PIK3C2A: variants seen among roughly 807,000 people sequenced by gnomAD.
PIK3C2A encodes the protein phosphatidylinositol 4-phosphate 3-kinase C2 domain-containing subunit alpha.
Under a neutral mutation model 204.5 loss-of-function variants are expected in PIK3C2A, and 97 were observed. That is an observed-to-expected ratio of 0.47 (90% CI 0.40 to 0.56). PIK3C2A has a LOEUF of 0.56. PIK3C2A is among the 20% of genes least tolerant of loss of function. The pLI, the probability that PIK3C2A is intolerant of heterozygous loss-of-function variation, is 0.00. For synonymous variants in PIK3C2A, 653 were observed against 664.4 expected (o/e 0.98, Z 0.26); for missense variants, 1,735 against 1,969.2 (o/e 0.88, Z 2.25).
At chr11:17,147,233 C>G (rs2137427033) in intron 6 of PIK3C2A, among the ~76,000 whole-genome samples, 1 of 152,228 alleles carries the variant, frequency 6.6e-6, no homozygotes, top group South Asian at 2.1e-4. Context: ...CCATTTTTCC[C>G]TGACTCACCC....
intron 12 of PIK3C2A, among the ~76,000 whole-genome samples, chr11:17,130,900 T>C (rs569113265): frequency 1.3e-5 from 2 of 151,804 alleles, no homozygotes; most frequent in Non-Finnish European, 2.9e-5. Context: ...GATAATGTTT[T>C]TTTCGGCTAG....
rs749292026 is a variant in PIK3C2A, at chr11:17,110,468, C to T, written c.3508G>A (p.Val1170Ile). 1.9e-6 allele frequency: 3 copies of T among 1,611,186 alleles called. No homozygotes were observed. ...CCAGTTGAGAGACATTTGAAAATTA[C>T]CATCCTCAGATCTAGTCCTTCTTTA... ...WLKEGLDLRMVIFKCLSTGRD... is the reference protein window; with the variant it reads ...WLKEGLDLRMIIFKCLSTGRD... The change falls in exon 22 of 33, where the codon GTA becomes ATA. Residue 1170 changes from valine to isoleucine, a missense_variant. By Grantham distance (29) the Val-to-Ile change is conservative. Around this residue, in one of 6 missense-constraint regions of PIK3C2A, gnomAD observed 503 missense variants for 669.0 expected, o/e 0.75. Coordinates refer to ENST00000691414, the MANE Select transcript of PIK3C2A (RefSeq NM_002645.4).
chr11:17,140,124 C>T (rs1015134034), intron 8 of PIK3C2A, among the ~76,000 whole-genome samples: 1 of 152,168 alleles, frequency 6.6e-6, no homozygotes, highest in Non-Finnish European at 1.5e-5. Context: ...AAAACCTCTG[C>T]AACTTCCTAG....
At chr11:17,128,279 T>C (rs1347784398) in intron 13 of PIK3C2A, among the ~76,000 whole-genome samples, 1 of 151,644 alleles carries the variant, frequency 6.6e-6, no homozygotes, top group South Asian at 2.1e-4. Context: ...GATGCTTTTT[T>C]TTTTTTTTGG....
chr11:17,194,407 A>G, intron 1 of PIK3C2A: 1 of 196,004 alleles, frequency 5.1e-6, no homozygotes, highest in Non-Finnish European at 1.0e-5. Context: ...CTATTTGTAC[A>G]AATAAACCTG....
chr11:17,157,200 A>G (rs904774412), intron 2 of PIK3C2A, among the ~76,000 whole-genome samples: 4 of 152,102 alleles, frequency 2.6e-5, no homozygotes, highest in Admixed American at 2.0e-4. Context: ...AATGAAGTTA[A>G]AAGTACAGTA....
At chr11:17,090,869 A>T (rs1451057338) in intron 32 of PIK3C2A, among the ~76,000 whole-genome samples, 1 of 151,014 alleles carries the variant, frequency 6.6e-6, no homozygotes, top group Non-Finnish European at 1.5e-5. Context: ...CCTCCCGAGG[A>T]GCTGGGATTA....
chr11:17,204,161 G>A (rs1852482935), intron 1 of PIK3C2A: 1 of 152,080 alleles, frequency 6.6e-6, no homozygotes, highest in Non-Finnish European at 1.5e-5. Context: ...CCAGCCTCTA[G>A]ATCTATACTG....
At chr11:17,153,498 A>G (rs889970611) in intron 3 of PIK3C2A, among the ~76,000 whole-genome samples, 1 of 152,146 alleles carries the variant, frequency 6.6e-6, no homozygotes. Context: ...AGCTTTGTCA[A>G]TTATGATAGG....
At chr11:17,153,518 A>C (rs1850486131) in intron 3 of PIK3C2A, among the ~76,000 whole-genome samples, 1 of 152,314 alleles carries the variant, frequency 6.6e-6, no homozygotes, top group African/African-American at 2.4e-5. Context: ...GTGTAAAAGG[A>C]AAGAAATAGG....
At chr11:17,165,653 T>C (rs754966792) in intron 2 of PIK3C2A, among the ~76,000 whole-genome samples, 1 of 151,856 alleles carries the variant, frequency 6.6e-6, no homozygotes, top group Non-Finnish European at 1.5e-5. Flanking sequence ...TGCATGACTG[T>C]AATCCCAGCT....
chr11:17,160,273 G>A (rs1296145722), intron 2 of PIK3C2A, among the ~76,000 whole-genome samples: 1 of 151,974 alleles, frequency 6.6e-6, no homozygotes, highest in Non-Finnish European at 1.5e-5. Flanking sequence ...AAACAACCAA[G>A]AACAAAACCT....
At chr11:17,139,080 G>C (rs963524795) in intron 8 of PIK3C2A, among the ~76,000 whole-genome samples, 1 of 151,768 alleles carries the variant, frequency 6.6e-6, no homozygotes. Context: ...GCTAATTTTT[G>C]TATTTTTTTT....
intron 8 of PIK3C2A, chr11:17,138,092 C>T: frequency 8.5e-6 from 6 of 706,414 alleles, no homozygotes; most frequent in Non-Finnish European, 1.0e-5. Flanking sequence ...CACATGGAAT[C>T]ACCATAGGCC....
At chr11:17,090,914 C>CTT (rs761874478) in intron 32 of PIK3C2A, among the ~76,000 whole-genome samples, 2 of 141,166 alleles carry the variant, frequency 1.4e-5, no homozygotes, top group Non-Finnish European at 1.6e-5. Flanking sequence ...TAATTTTTTT[C>CTT]TTTTTTTTTT....
At chr11:17,145,295 AT>A (rs912612835) in intron 8 of PIK3C2A, among the ~76,000 whole-genome samples, 1 of 152,134 alleles carries the variant, frequency 6.6e-6, no homozygotes, top group African/African-American at 2.4e-5. Flanking sequence ...AAATGTAATA[AT>A]CCCCACGTGT....
rs1056154544 is a variant in PIK3C2A, at chr11:17,088,272, G to C, written c.*1466C>G. 1.3e-5 allele frequency: 2 copies of C among 151,682 alleles called. No individual in the cohort carries two copies. Among genetic ancestry groups the C allele is most frequent in the Non-Finnish European group, 2.9e-5 (2 of 67,960 alleles). 9.4% of individuals were successfully genotyped at this position (151,682 alleles called of 1,614,324 possible). On this transcript the variant is annotated 3_prime_UTR_variant, in exon 33 of 33. Transcript: ENST00000691414. ...TCTTTTTTTCTTTTTTTTTAAGATGGAGTTTTGCTCTTGTCACCCAGGCGG... is the reference window on the plus strand; with the variant it reads ...TCTTTTTTTCTTTTTTTTTAAGATGCAGTTTTGCTCTTGTCACCCAGGCGG...
Position 17,150,606 on chromosome 11 carries a change from A to G in PIK3C2A, c.1219T>C (p.Leu407=). The change falls in exon 4 of 33, where the codon TTG becomes CTG. Residue 407 remains leucine, a synonymous_variant. Transcript: ENST00000691414. ...CTTTGTGCTGTGACTGGACTTAACAAATAGCCTGGGTTTGTGCGGTGATTG... is the reference window on the plus strand; with the variant it reads ...CTTTGTGCTGTGACTGGACTTAACAGATAGCCTGGGTTTGTGCGGTGATTG... ...YTNHRTNPGY[L]LSPVTAQRNI... 1 of 1,611,624 alleles carries G rather than the reference A, an allele frequency of 6.2e-7. No individual in the cohort carries two copies. Among genetic ancestry groups the G allele is most frequent in the African/African-American group, 1.3e-5 (1 of 74,716 alleles).
rs780208027 is a variant in PIK3C2A, at chr11:17,136,557, G to A, written c.1773C>T (p.Val591=). 4.4e-6 allele frequency: 7 copies of A among 1,599,048 alleles called. No individual in the cohort carries two copies. The highest frequency in any genetic ancestry group is 1.7e-5 in the Admixed American group (1 of 59,904). Residue 591 remains valine (V), a synonymous_variant, in exon 9 of 33, where the codon GTC becomes GTT. Transcript: ENST00000691414. ...VRKICSALDG[V]ETLAITESVK... ...CTGATTCTGTAATGGCAAGAGTCTC[G>A]ACACCATCTAAAGCACTACAGATTT...
Sources: gnomAD v4.1 joint callset for allele counts (sites outside exome capture counted in the v4.1 genomes callset) on GRCh38, gnomAD v4.1.1 for gene constraint, gnomAD v4.1.1 regional missense constraint, MANE v1.5 for transcripts, NCBI Gene and HGNC (gene_info 2026-07-23, HGNC 2026-07-21) for gene names.